The following DYNC2H1 variants were observed in gnomAD, a reference collection of about 807,000 sequenced individuals.
The protein encoded by DYNC2H1 is cytoplasmic dynein 2 heavy chain 1.
Under a neutral mutation model 570.0 loss-of-function variants are expected in DYNC2H1, and 410 were observed. The ratio of observed to expected loss-of-function variants is 0.72; its 90% CI spans 0.66 to 0.78. The LOEUF (loss-of-function observed/expected upper bound fraction) is 0.78. Ranked by LOEUF, DYNC2H1 falls within the 30% of genes least tolerant of loss-of-function variation. DYNC2H1 has a pLI of 0.00. For synonymous variants in DYNC2H1, 1,688 were observed against 1,677.6 expected (o/e 1.01, Z -0.15); for missense variants, 4,865 against 5,046.4 (o/e 0.96, Z 1.09).
chr11:103,192,122 T>C lies in DYNC2H1; in HGVS notation c.7566T>C (p.Tyr2522=), dbSNP rs1281193424. The change falls in exon 47 of 89, where the codon TAT becomes TAC. Residue 2522 remains tyrosine (Y), a synonymous_variant. Transcript: ENST00000375735. Reference sequence around the variant, plus strand: ...GATCCTCAAACCATCCACTAGATTATGTGTTAGAAATTGTAGCATATGAGG... The same window carrying C: ...GATCCTCAAACCATCCACTAGATTACGTGTTAGAAATTGTAGCATATGAGG... ...EGGSSNHPLD[Y]VLEIVAYEAR... 1.3e-6 allele frequency: 2 copies of C among 1,535,080 alleles called. No individual in the cohort carries two copies. The highest frequency in any genetic ancestry group is 1.4e-5 in the African/African-American group (1 of 73,458).
chr11:103,267,658 T>C (rs1314183751), intron 70 of DYNC2H1, among the ~76,000 whole-genome samples: 1 of 152,058 alleles, frequency 6.6e-6, no homozygotes, highest in Non-Finnish European at 1.5e-5. Flanking sequence ...AAAATATTTT[T>C]AGAGTTTCAA....
At position 103,204,318 on chromosome 11, in the gene DYNC2H1, T is replaced by C. The variant is rs144634754; in HGVS notation, c.8312-504T>C. Among the ~76,000 whole-genome samples, 784 of 152,226 alleles carry C rather than the reference T, an allele frequency of 5.2e-3. 5 individuals are homozygous for C. The highest frequency in any genetic ancestry group is 0.018 in the African/African-American group (751 of 41,556). On this transcript the variant is annotated intron_variant, in intron 51 of 88. Coordinates refer to ENST00000375735, the MANE Select transcript of DYNC2H1 (RefSeq NM_001377.3). This position sits in a 1 kb window ranked among gnomAD's most constrained non-coding sequence, Gnocchi z 4.1. ...GGGACACAGAGCCAAACCATATCAA[T>C]ACCTTAGCAAAATTTTAGCAAACAG...
intron 24 of DYNC2H1, 133 bp downstream of exon 24, chr11:103,154,942 A>C: frequency 1.5e-6 from 1 of 687,012 alleles, no homozygotes. Context: ...AAAATAGGAA[A>C]TACAGAGTAA....
At chr11:103,453,228 C>T (rs1284838701) in intron 85 of DYNC2H1, among the ~76,000 whole-genome samples, 2 of 152,024 alleles carry the variant, frequency 1.3e-5, no homozygotes, top group African/African-American at 4.8e-5. Flanking sequence ...AAGTAAAGAA[C>T]ATTTATGAAA....
chr11:103,460,595 T>TCA (rs1167506420), intron 87 of DYNC2H1, among the ~76,000 whole-genome samples: 1 of 151,832 alleles, frequency 6.6e-6, no homozygotes, highest in Non-Finnish European at 1.5e-5. Flanking sequence ...GCCTTGGCTG[T>TCA]CACAGTTATG....
intron 63 of DYNC2H1, among the ~76,000 whole-genome samples, chr11:103,242,887 A>C (rs182760107): frequency 5.9e-5 from 9 of 151,958 alleles, no homozygotes; most frequent in Non-Finnish European, 1.0e-4. Context: ...CGCCTGGCTA[A>C]TTTTTGTATT....
At chr11:103,113,866 TGTG>T (rs1858238602) in intron 2 of DYNC2H1, among the ~76,000 whole-genome samples, 159 bp downstream of exon 2, 1 of 152,310 alleles carries the variant, frequency 6.6e-6, no homozygotes, top group South Asian at 2.1e-4. Context: ...TAATGTAAGT[TGTG>T]GTAAAAAATA....
chr11:103,112,810 T>G (rs1048264147), intron 1 of DYNC2H1, among the ~76,000 whole-genome samples: 2 of 152,228 alleles, frequency 1.3e-5, no homozygotes, highest in African/African-American at 4.8e-5. Flanking sequence ...AATGTGTGTA[T>G]AATGCAAAAA....
intron 84 of DYNC2H1, among the ~76,000 whole-genome samples, chr11:103,428,343 A>G (rs1169681276): frequency 6.6e-6 from 1 of 152,090 alleles, no homozygotes; most frequent in Non-Finnish European, 1.5e-5. Flanking sequence ...GATAGGAAAA[A>G]TGAATAGTAC....
rs1279419542 is a variant in DYNC2H1 at position 103,255,438 on chromosome 11, T to C, written c.10230T>C (p.His3410=). ...RGQLLALTIQ[H]EKPDLEEQKT... Reference sequence around the variant, plus strand: ...AGCTTTTAGCTTTAACCATTCAGCATGAGAAACCTGATTTAGAAGAACAGA... The same window carrying C: ...AGCTTTTAGCTTTAACCATTCAGCACGAGAAACCTGATTTAGAAGAACAGA... Residue 3410 remains histidine (H), a synonymous_variant, in exon 67 of 89, where the codon CAT becomes CAC. Transcript: ENST00000375735. The C allele has an allele frequency of 6.4e-7, 1 of 1,565,864 alleles. No homozygotes were observed. Among genetic ancestry groups the C allele is most frequent in the East Asian group, 2.3e-5 (1 of 42,692 alleles).
chr11:103,296,108 T>G (rs2135380636), intron 75 of DYNC2H1, among the ~76,000 whole-genome samples: 1 of 152,312 alleles, frequency 6.6e-6, no homozygotes, highest in East Asian at 1.9e-4. Context: ...AATCCAAGAC[T>G]GTTCTTCTCA....
At chr11:103,178,447 C>T (rs955883901) in intron 38 of DYNC2H1, among the ~76,000 whole-genome samples, 2 of 151,894 alleles carry the variant, frequency 1.3e-5, no homozygotes, top group African/African-American at 4.8e-5. Context: ...CAGTTATTAC[C>T]TTCATGTATT....
chr11:103,223,867 C>T (rs1217756985), intron 59 of DYNC2H1, among the ~76,000 whole-genome samples: 5 of 151,834 alleles, frequency 3.3e-5, no homozygotes, highest in African/African-American at 9.7e-5. Context: ...CCTGCTTCAG[C>T]CTCCCAAGTA....
chr11:103,240,932 A>T (rs1297093387), intron 63 of DYNC2H1, among the ~76,000 whole-genome samples: 1 of 152,078 alleles, frequency 6.6e-6, no homozygotes, highest in Non-Finnish European at 1.5e-5. Context: ...ACCTTTTCCC[A>T]TATTTATTTT....
chr11:103,313,331 A>G (rs944034456), intron 79 of DYNC2H1, among the ~76,000 whole-genome samples: 2 of 152,186 alleles, frequency 1.3e-5, no homozygotes, highest in African/African-American at 2.4e-5. Context: ...ATCACAATCA[A>G]TAAACTGCAT....
chr11:103,351,834 TA>T (rs953853513), intron 82 of DYNC2H1, among the ~76,000 whole-genome samples: 59 of 152,280 alleles, frequency 3.9e-4, no homozygotes, highest in African/African-American at 1.3e-3. Context: ...TTATTTGTTT[TA>T]AAGAATGCTA....
At position 103,325,297 on chromosome 11, in the gene DYNC2H1, A is replaced by T. The variant is rs1938416321; in HGVS notation, c.12039+1307A>T. ...AATTTTTGGGCCAGGGCCAATGTTC[A>T]GAATTGTATTTCCTAGGTTGTCTCC... On this transcript the variant is annotated intron_variant, in intron 82 of 88. Coordinates refer to ENST00000375735, the MANE Select transcript of DYNC2H1 (RefSeq NM_001377.3). This position sits in a 1 kb window ranked among gnomAD's most constrained non-coding sequence, Gnocchi z 4.8. 6.6e-6 allele frequency among the ~76,000 whole-genome samples: 1 copy of T among 152,202 alleles called. No individual in the cohort carries two copies. Among genetic ancestry groups the T allele is most frequent in the Non-Finnish European group, 1.5e-5 (1 of 68,034 alleles).
At chr11:103,173,001 C>G in intron 34 of DYNC2H1, 81 bp from the exon 35 acceptor site, 1 of 717,868 alleles carries the variant, frequency 1.4e-6, no homozygotes, top group Non-Finnish European at 1.9e-6. Flanking sequence ...TTTATAGTTT[C>G]AAATATAAAC....
In DYNC2H1 at chr11:103,155,414, TC is replaced by T; in HGVS notation, c.3659del (p.Pro1220LeufsTer6). On this transcript the variant is annotated frameshift_variant, in exon 25 of 89. Transcript: ENST00000375735. LOFTEE classifies it high-confidence loss of function. ...TTGACCTTTTTCGTCTCCTTGGACTTCCTAGGGGGACTAGTCTAGAGAAACT... is the reference window on the plus strand; with the variant it reads ...TTGACCTTTTTCGTCTCCTTGGACTTCTAGGGGGACTAGTCTAGAGAAACT... ...WLDLFRLLGL[P>X]RGTSLEKLLF... The T allele has an allele frequency of 6.2e-7, 1 of 1,612,524 alleles. No individual in the cohort carries two copies. The highest frequency in any genetic ancestry group is 8.5e-7 in the Non-Finnish European group (1 of 1,179,090).
Sources: allele counts gnomAD v4.1 joint callset (sites outside exome capture counted in the v4.1 genomes callset), GRCh38; gene constraint gnomAD v4.1.1; non-coding constraint Gnocchi (gnomAD v3.1); transcripts MANE v1.5; gene names NCBI Gene and HGNC (gene_info 2026-07-23, HGNC 2026-07-21).